TDP1: variants seen among roughly 807,000 people sequenced by gnomAD.
The protein encoded by TDP1 is tyrosyl-DNA phosphodiesterase 1.
TDP1 carries 64 observed loss-of-function variants against 81.5 expected under a neutral mutation model. That is an observed-to-expected ratio of 0.79 (90% CI 0.64 to 0.97). TDP1 has a LOEUF of 0.97. TDP1 is among the 50% of genes least tolerant of loss of function. TDP1 has a pLI of 0.00. For synonymous variants in TDP1, 256 were observed against 264.3 expected, an observed-to-expected ratio of 0.97 and a Z score of 0.30; for missense variants, 723 against 743.8, an observed-to-expected ratio of 0.97 and a Z score of 0.33.
intron 16 of TDP1, among the ~76,000 whole-genome samples, chr14:90,036,249 C>T (rs1887805107): frequency 6.6e-6 from 1 of 152,178 alleles, no homozygotes; most frequent in Non-Finnish European, 1.5e-5. Flanking sequence ...TACACTGCCT[C>T]AGTTGCATGT....
At chr14:90,020,924 T>C (rs2140274017) in intron 15 of TDP1, among the ~76,000 whole-genome samples, 1 of 151,196 alleles carries the variant, frequency 6.6e-6, no homozygotes, top group East Asian at 2.0e-4. Flanking sequence ...GCCTCCCTAG[T>C]AGATGGGACT....
At chr14:90,013,000 C>G (rs1224982856) in intron 14 of TDP1, among the ~76,000 whole-genome samples, 1 of 152,212 alleles carries the variant, frequency 6.6e-6, no homozygotes, top group East Asian at 1.9e-4. Context: ...TGCATGGGGC[C>G]TGTAGCCCCT....
chr14:89,998,139 T>C (rs1216931167), intron 14 of TDP1, among the ~76,000 whole-genome samples: 1 of 151,908 alleles, frequency 6.6e-6, no homozygotes, highest in Non-Finnish European at 1.5e-5. Context: ...TTAATATCCC[T>C]AGTGGTATCT....
At position 89,959,642 on chromosome 14, in the gene TDP1, G is replaced by C. The variant is rs76538933; in HGVS notation, c.-8+2842G>C. ...GAGCAGAACCCCAAAAAAAGGCTTTGTTCTCTAGAAAATGTCTTTTTTAAA... is the reference window on the plus strand; with the variant it reads ...GAGCAGAACCCCAAAAAAAGGCTTTCTTCTCTAGAAAATGTCTTTTTTAAA... On this transcript the variant is annotated intron_variant, in intron 2 of 16. Transcript: ENST00000335725. Among the ~76,000 whole-genome samples the C allele has an allele frequency of 2.7e-3, 412 of 152,210 alleles. 1 individual carries two copies. The highest frequency in any genetic ancestry group is 5.0e-3 in the Non-Finnish European group (337 of 67,984).
At chr14:89,967,989 G>A (rs750866490) in intron 5 of TDP1, among the ~76,000 whole-genome samples, 6 of 152,040 alleles carry the variant, frequency 3.9e-5, no homozygotes, top group Non-Finnish European at 8.8e-5. Context: ...ACACATTTAC[G>A]GGGCAGATTC....
rs1484248533 is a variant in TDP1, at chr14:90,008,880, T to C, written c.1542-10436T>C. 3.3e-5 allele frequency among the ~76,000 whole-genome samples: 5 copies of C among 152,336 alleles called. No homozygotes were observed. In the East Asian group the frequency reaches 7.7e-4, roughly 23 times the overall value. The stretch of plus-strand genomic sequence containing the variant: ...CACACCACCCTGCCTGGCTAATTTT[T>C]GCATTTTATTTTGATATGGGATCTT... On this transcript the variant is annotated intron_variant, in intron 14 of 16. Transcript: ENST00000335725.
At chr14:89,999,233 C>T (rs1896985939) in intron 14 of TDP1, among the ~76,000 whole-genome samples, 2 of 152,192 alleles carry the variant, frequency 1.3e-5, no homozygotes, top group Non-Finnish European at 2.9e-5. Flanking sequence ...CTAAATATTC[C>T]CTAGATTTTA....
chr14:90,030,518 G>A (rs1389954723), intron 15 of TDP1, among the ~76,000 whole-genome samples: 2 of 152,136 alleles, frequency 1.3e-5, no homozygotes, highest in Non-Finnish European at 2.9e-5. Context: ...GCCTTTCACT[G>A]TATTACTGAT....
chr14:90,005,324 A>G (rs1046329829), intron 14 of TDP1, among the ~76,000 whole-genome samples: 1 of 152,188 alleles, frequency 6.6e-6, no homozygotes, highest in African/African-American at 2.4e-5. Context: ...GCAGAGAGAG[A>G]TGAGTGCAAG....
chr14:89,960,350 T>G (rs1892182230), intron 2 of TDP1, among the ~76,000 whole-genome samples: 1 of 152,138 alleles, frequency 6.6e-6, no homozygotes, highest in Admixed American at 6.5e-5. Context: ...TGTTGAGTAG[T>G]AAATCAATCT....
rs1891685354 is a variant in TDP1, at chr14:89,956,705, C to T, written c.-103C>T. On this transcript the variant is annotated 5_prime_UTR_variant, in exon 2 of 17. Transcript: ENST00000335725. Reference sequence around the variant, plus strand: ...TTGAGGTTAGGAGTTTGAGATCAGCCCGGGCAACATGGTGAAACCCCGTCT... The same window carrying T: ...TTGAGGTTAGGAGTTTGAGATCAGCTCGGGCAACATGGTGAAACCCCGTCT... 1 of 152,216 alleles carries T rather than the reference C, an allele frequency of 6.6e-6. No individual in the cohort carries two copies. Among genetic ancestry groups the T allele is most frequent in the Non-Finnish European group, 1.5e-5 (1 of 68,084 alleles). 9.4% of individuals were successfully genotyped at this position (152,216 alleles called of 1,614,324 possible). A position where few individuals can be genotyped will look rare whatever the true frequency, so the allele number is the denominator to read the frequency against.
chr14:90,037,637 C>G (rs766162834), intron 16 of TDP1, among the ~76,000 whole-genome samples: 2 of 152,194 alleles, frequency 1.3e-5, no homozygotes, highest in African/African-American at 4.8e-5. Context: ...TACATCCTCT[C>G]TCATATCAAT....
At chr14:89,964,975 C>A in intron 3 of TDP1, 1 of 329,948 alleles carries the variant, frequency 3.0e-6, no homozygotes, top group South Asian at 2.4e-5. Flanking sequence ...ATGCTGTTTG[C>A]TATAGCACTC....
chr14:90,008,039 T>C (rs1884251627), intron 14 of TDP1, among the ~76,000 whole-genome samples: 1 of 152,232 alleles, frequency 6.6e-6, no homozygotes, highest in South Asian at 2.1e-4. Context: ...ATATTTGGTA[T>C]TCTTCAGTTT....
intron 14 of TDP1, among the ~76,000 whole-genome samples, chr14:90,003,033 G>A (rs1409350027): frequency 2.0e-5 from 3 of 152,046 alleles, no homozygotes; most frequent in Non-Finnish European, 4.4e-5. Flanking sequence ...CGCCTCCCGG[G>A]TTCAAGCGAT....
chr14:89,960,178 C>T (rs1892158913), intron 2 of TDP1, among the ~76,000 whole-genome samples: 1 of 152,168 alleles, frequency 6.6e-6, no homozygotes, highest in Non-Finnish European at 1.5e-5. Flanking sequence ...ACTGTAGCCA[C>T]TGAAATAGTT....
At position 89,967,367 on chromosome 14, in the gene TDP1, T is replaced by C. The variant is rs1893060684; in HGVS notation, c.604T>C (p.Phe202Leu). The change falls in exon 5 of 17, where the codon TTT becomes CTT. Residue 202 changes from phenylalanine to leucine, a missense_variant and splice_region_variant. Transcript: ENST00000335725. ...LFGTLVSSAQFNYCFDVDWLV... is the reference protein window; with the variant it reads ...LFGTLVSSAQLNYCFDVDWLV... ...GTTACTCTTCTTTTCTCCCATCTAG[T>C]TTAACTACTGCTTTGACGTGGACTG... 6 of 1,614,042 alleles carry C rather than the reference T, an allele frequency of 3.7e-6. No homozygotes were observed. In the African/African-American group the frequency reaches 4.0e-5, roughly 11 times the overall value.
intron 16 of TDP1, among the ~76,000 whole-genome samples, chr14:90,041,805 C>G (rs533809551): frequency 1.3e-5 from 2 of 152,210 alleles, no homozygotes; most frequent in Non-Finnish European, 2.9e-5. Context: ...TGGTTTGACT[C>G]TAGCAGTGGC....
rs1490609392 is a variant in TDP1, at chr14:89,992,028, A to G, written c.1433+45A>G. Reference sequence around the variant, plus strand: ...TGCTGCTATTGCTTCTTTAGGAATTAGAGTGTTATTTATGTCACTGGTTTG... The same window carrying G: ...TGCTGCTATTGCTTCTTTAGGAATTGGAGTGTTATTTATGTCACTGGTTTG... On this transcript the variant is annotated intron_variant, in intron 13 of 16. Coordinates refer to ENST00000335725, the MANE Select transcript of TDP1 (RefSeq NM_018319.4). 2.6e-6 allele frequency: 4 copies of G among 1,522,780 alleles called. No homozygotes were observed. The South Asian group carries it at 3.4e-5, about 13-fold the overall frequency. The allele number at this position is 1,522,780 out of a possible 1,614,324, so 94.3% of individuals were successfully genotyped here. A position where few individuals can be genotyped will look rare whatever the true frequency, so the allele number is the denominator to read the frequency against.
Sources: allele counts gnomAD v4.1 joint callset (sites outside exome capture counted in the v4.1 genomes callset), GRCh38; gene constraint gnomAD v4.1.1; transcripts MANE v1.5; gene names NCBI Gene and HGNC (gene_info 2026-07-23, HGNC 2026-07-21).